Variants in RHBDL3 observed in about 807,000 individuals in gnomAD.
The protein encoded by RHBDL3 is rhomboid-related protein 3.
A neutral mutation model predicts 48.2 loss-of-function variants in RHBDL3; 28 were observed. That is an observed-to-expected ratio of 0.58 (90% confidence interval 0.43 to 0.80). The LOEUF is 0.80. RHBDL3 is among the 30% of genes least tolerant of loss of function. RHBDL3 has a pLI of 0.00. For missense variants in RHBDL3, 464 were observed against 542.7 expected, an observed-to-expected ratio of 0.85 and a Z score of 1.44; for synonymous variants, 208 against 232.3, an observed-to-expected ratio of 0.90 and a Z score of 0.95.
rs866961948 is a variant in RHBDL3, at chr17:32,299,009, G to A, written c.781+805G>A. ...TGCCAGCCAGGCCTCTGAACATGAG[G>A]ATCTCCCTCGTGATGTCTCCAACTT... On this transcript the variant is annotated intron_variant, in intron 6 of 8. Coordinates refer to ENST00000269051, the MANE Select transcript of RHBDL3 (RefSeq NM_138328.3). Among the ~76,000 whole-genome samples, 72 of 151,590 alleles carry A rather than the reference G, an allele frequency of 4.7e-4. No individual in the cohort carries two copies. The Middle Eastern group carries it at 0.017, about 37-fold the overall frequency.
Position 32,321,398 on chromosome 17 carries a change from T to A in RHBDL3, c.*169T>A, listed in dbSNP as rs899220687. The A allele has an allele frequency of 1.3e-6, 2 of 1,528,108 alleles. No homozygotes were observed. The highest frequency in any genetic ancestry group is 2.0e-5 in the Admixed American group (1 of 50,478). The allele number at this position is 1,528,108 out of a possible 1,614,324, so 94.7% of individuals were successfully genotyped here. A position where few individuals can be genotyped will look rare whatever the true frequency, so the allele number is the denominator to read the frequency against. On this transcript the variant is annotated 3_prime_UTR_variant, in exon 9 of 9. Coordinates refer to ENST00000269051, the MANE Select transcript of RHBDL3 (RefSeq NM_138328.3). ...TTTGGACACACAGTGGAGACCCTTT[T>A]CTGAAAGGCATCTGGCGGAGGAGTT...
rs4503846 is a variant in RHBDL3 at position 32,283,320 on chromosome 17, T to C, written c.136-1339T>C. Among the ~76,000 whole-genome samples, 893 of 135,950 alleles carry C rather than the reference T, an allele frequency of 6.6e-3. 2 individuals are homozygous for C. Among genetic ancestry groups the C allele is most frequent in the Middle Eastern group, 0.011 (3 of 282 alleles). The allele number at this position is 135,950 out of a possible 152,430, so 89.2% of individuals were successfully genotyped here. On this transcript the variant is annotated intron_variant, in intron 2 of 8. Coordinates refer to ENST00000269051, the MANE Select transcript of RHBDL3 (RefSeq NM_138328.3). ...GACTAAGATCCTGCCTTTTCTTCTT[T>C]TTTTTTTTTTTTTTTTTTTGAGATG...
chr17:32,296,585 C>T (rs1984972), intron 5 of RHBDL3, among the ~76,000 whole-genome samples: 1 of 151,776 alleles, frequency 6.6e-6, no homozygotes, highest in African/African-American at 2.4e-5. Flanking sequence ...CCGCCCACCT[C>T]AGCCTCCCAA....
intron 2 of RHBDL3, among the ~76,000 whole-genome samples, chr17:32,273,987 C>T (rs1297957245): frequency 6.6e-6 from 1 of 152,212 alleles, no homozygotes; most frequent in Non-Finnish European, 1.5e-5. Context: ...CTGCCTGCCT[C>T]AGCCTCCCAA....
At position 32,282,225 on chromosome 17, in the gene RHBDL3, A is replaced by G. The variant is rs570455727; in HGVS notation, c.136-2434A>G. ...GTTGTGAACCAAACAGATGTCATCC[A>G]TGAAACCTGGCATTTTGGCTTGAAG... On this transcript the variant is annotated intron_variant, in intron 2 of 8. Coordinates refer to ENST00000269051, the MANE Select transcript of RHBDL3 (RefSeq NM_138328.3). Among the ~76,000 whole-genome samples, 7 of 152,364 alleles carry G rather than the reference A, an allele frequency of 4.6e-5. No individual in the cohort carries two copies. In the South Asian group the frequency reaches 1.2e-3, roughly 27 times the overall value.
Position 32,274,824 on chromosome 17 carries a change from GTGCATGTGTGTGTATGCA to G in RHBDL3, c.135+6911_135+6928del, listed in dbSNP as rs1361107159. 4.6e-5 allele frequency among the ~76,000 whole-genome samples: 7 copies of G among 152,214 alleles called. No homozygotes were observed. The East Asian group carries it at 1.3e-3, about 29-fold the overall frequency. ...TGTGCACGTGTGTTTGTGCATGAGT[GTGCATGTGTGTGTATGCA>G]TGCATGTGTGTTTGTGTGTGCAAGA... On this transcript the variant is annotated intron_variant, in intron 2 of 8. Coordinates refer to ENST00000269051, the MANE Select transcript of RHBDL3 (RefSeq NM_138328.3).
chr17:32,305,468 C>T, intron 7 of RHBDL3, 27 bp downstream of exon 7: 1 of 1,464,608 alleles, frequency 6.8e-7, no homozygotes, highest in South Asian at 1.1e-5. Context: ...CTCAATGTGT[C>T]TTTCTGGCCC....
At chr17:32,283,835 T>A (rs1347089692) in intron 2 of RHBDL3, among the ~76,000 whole-genome samples, 1 of 152,168 alleles carries the variant, frequency 6.6e-6, no homozygotes, top group Non-Finnish European at 1.5e-5. Context: ...GACATCAGTG[T>A]GGGCTGGAGG....
chr17:32,305,384 G>A lies in RHBDL3; in HGVS notation c.825G>A (p.Val275=). The A allele has an allele frequency of 1.2e-6, 2 of 1,613,858 alleles. No homozygotes were observed. The highest frequency in any genetic ancestry group is 1.3e-5 in the African/African-American group (1 of 74,998). ...VSVADMTAPV[V]GSSGGVYALV... ...TGGCTGACATGACCGCTCCAGTCGT[G>A]GGCTCTTCTGGAGGGGTGTATGCTC... Residue 275 remains valine (V), a synonymous_variant, in exon 7 of 9, where the codon GTG becomes GTA. Transcript: ENST00000269051.
At position 32,267,879 on chromosome 17, in the gene RHBDL3, TGCATGGCCTCCCTCTCTGCCA is replaced by T. The variant is rs745372823; in HGVS notation, c.112-19_113del. On this transcript the variant is annotated splice_acceptor_variant and splice_polypyrimidine_tract_variant and intron_variant, in intron 1 of 8. Transcript: ENST00000269051. LOFTEE classifies it high-confidence loss of function. ...TCTTTCTCTCCTCTTCTTCCTCTCC[TGCATGGCCTCCCTCTCTGCCA>T]GCACTGGAAAGTCCTGTTTGATCAG... The T allele has an allele frequency of 1.2e-6, 2 of 1,614,020 alleles. No individual in the cohort carries two copies.
intron 5 of RHBDL3, among the ~76,000 whole-genome samples, chr17:32,296,674 G>A (rs1399247959): frequency 6.6e-6 from 1 of 151,994 alleles, no homozygotes; most frequent in Non-Finnish European, 1.5e-5. Context: ...CCTCTCTTAT[G>A]AGACTTTAAG....
chr17:32,298,018 C>T, intron 5 of RHBDL3, 74 bp from the exon 6 acceptor site: 1 of 1,079,012 alleles, frequency 9.3e-7, no homozygotes, highest in Non-Finnish European at 1.4e-6. Context: ...TTGGGGGATG[C>T]AGGTGTTTGT....
chr17:32,301,798 G>A (rs1161069426), intron 6 of RHBDL3, among the ~76,000 whole-genome samples: 1 of 151,962 alleles, frequency 6.6e-6, no homozygotes, highest in Non-Finnish European at 1.5e-5. Flanking sequence ...CCCAGCCTGG[G>A]CAACAAGAGT....
At chr17:32,298,742 C>T (rs925914048) in intron 6 of RHBDL3, among the ~76,000 whole-genome samples, 6 of 152,192 alleles carry the variant, frequency 3.9e-5, no homozygotes, top group African/African-American at 1.2e-4. Context: ...CCAGACCAAC[C>T]GCAGTCCCCT....
At chr17:32,280,520 G>C (rs1006567857) in intron 2 of RHBDL3, 1 of 152,222 alleles carries the variant, frequency 6.6e-6, no homozygotes, top group Non-Finnish European at 1.5e-5. Flanking sequence ...TGCCCAGAGA[G>C]GGTCAGCCAC....
intron 5 of RHBDL3, 131 bp downstream of exon 5, chr17:32,294,573 G>A: frequency 1.2e-6 from 1 of 845,288 alleles, no homozygotes; most frequent in Non-Finnish European, 1.7e-6. Context: ...ATGGCTGCTT[G>A]AAACTCATTT....
chr17:32,309,199 TGTGTGTG>T (rs2040781966), intron 7 of RHBDL3, among the ~76,000 whole-genome samples: 1 of 151,888 alleles, frequency 6.6e-6, no homozygotes, highest in Admixed American at 6.6e-5. Context: ...TGTGTGTGTG[TGTGTGTG>T]TGTGTGTGTG....
chr17:32,319,966 G>T (rs1413327642), intron 8 of RHBDL3, among the ~76,000 whole-genome samples: 1 of 152,106 alleles, frequency 6.6e-6, no homozygotes, highest in African/African-American at 2.4e-5. Context: ...TGATCAGGAT[G>T]AAGGCATCTT....
chr17:32,297,883 G>C (rs754754208), intron 5 of RHBDL3, among the ~76,000 whole-genome samples: 2 of 151,902 alleles, frequency 1.3e-5, no homozygotes, highest in Admixed American at 6.6e-5. Flanking sequence ...TTGCACATCT[G>C]TTCCTGTCCC....
Sources: gnomAD v4.1 joint callset for allele counts (sites outside exome capture counted in the v4.1 genomes callset) on GRCh38, gnomAD v4.1.1 for gene constraint, MANE v1.5 for transcripts, NCBI Gene and HGNC (gene_info 2026-07-23, HGNC 2026-07-21) for gene names.